ANKS1B: variants seen among roughly 807,000 people sequenced by gnomAD.
The protein encoded by ANKS1B is ankyrin repeat and sterile alpha motif domain containing 1B.
In ANKS1B, 36 loss-of-function variants were observed where a neutral mutation model predicts 148.3. The observed-to-expected ratio is 0.24, with a 90% CI of 0.19 to 0.32. ANKS1B has a LOEUF of 0.32. Ranked by LOEUF, ANKS1B falls within the 10% of genes least tolerant of loss-of-function variation. The probability of loss-of-function intolerance (pLI) is 1.00; values close to 1 mark genes in which losing one functional copy is unlikely to be tolerated. For synonymous variants in ANKS1B, 542 were observed against 560.8 expected (o/e 0.97, Z 0.47); for missense variants, 1,157 against 1,542.6 (o/e 0.75, Z 4.19).
intron 8 of ANKS1B, among the ~76,000 whole-genome samples, chr12:99,736,900 C>A (rs2059663453): frequency 1.3e-5 from 2 of 152,050 alleles, no homozygotes; most frequent in South Asian, 4.1e-4. Flanking sequence ...ATAGACACTT[C>A]TCACAAGAAG....
At chr12:98,995,704 C>T (rs2099929122) in intron 17 of ANKS1B, among the ~76,000 whole-genome samples, 2 of 152,172 alleles carry the variant, frequency 1.3e-5, no homozygotes, top group Admixed American at 6.5e-5. Context: ...CATTGGACTT[C>T]ATGGAATGAA....
intron 8 of ANKS1B, among the ~76,000 whole-genome samples, chr12:99,745,957 C>T (rs1161934067): frequency 6.6e-6 from 1 of 151,960 alleles, no homozygotes; most frequent in Non-Finnish European, 1.5e-5. Flanking sequence ...GAAAGAACCA[C>T]ATTAATAGGA....
intron 12 of ANKS1B, among the ~76,000 whole-genome samples, chr12:99,336,924 T>C (rs1340375244): frequency 1.3e-5 from 2 of 152,164 alleles, no homozygotes; most frequent in African/African-American, 4.8e-5. Context: ...CTTGCTGCTT[T>C]CAGGATCCTT....
In ANKS1B at chr12:99,403,657, A is replaced by G. The variant is rs1216098092; in HGVS notation, c.1576-3846T>C. On this transcript the variant is annotated intron_variant, in intron 11 of 26. Transcript: ENST00000683438. ...TAGTTTTACTAGATTTCATTTGTCA[A>G]TTTTTTCTTTTATTCCAACTGAAGG... is the stretch of plus-strand genomic sequence containing the variant. Among the ~76,000 whole-genome samples, 2 of 144,460 alleles carry G rather than the reference A, an allele frequency of 1.4e-5. 1 individual carries two copies. Among genetic ancestry groups the G allele is most frequent in the Non-Finnish European group, 3.0e-5 (2 of 65,698 alleles). 94.8% of individuals were successfully genotyped at this position (144,460 alleles called of 152,430 possible). A position where few individuals can be genotyped will look rare whatever the true frequency, so the allele number is the denominator to read the frequency against.
Position 99,910,483 on chromosome 12 carries a change from T to G in ANKS1B, c.134+73621A>C, listed in dbSNP as rs184022633. ...CACACATTGTATGATTCCACTTATA[T>G]GAATTGTACAGAATAGGCAAATCTA... On this transcript the variant is annotated intron_variant, in intron 1 of 26. Coordinates refer to ENST00000683438, the MANE Select transcript of ANKS1B (RefSeq NM_001352186.2). Among the ~76,000 whole-genome samples the G allele has an allele frequency of 5.6e-3, 856 of 151,910 alleles. 9 individuals carry two copies. The highest frequency in any genetic ancestry group is 0.019 in the African/African-American group (796 of 41,394).
chr12:98,740,058 G>A (rs1451438066), downstream of ANKS1B, among the ~76,000 whole-genome samples: 1 of 152,090 alleles, frequency 6.6e-6, no homozygotes, highest in African/African-American at 2.4e-5. Flanking sequence ...CCCATCAAGT[G>A]GTAAAGAAGA....
chr12:98,965,451 C>G (rs2099877034), intron 17 of ANKS1B, among the ~76,000 whole-genome samples: 2 of 152,048 alleles, frequency 1.3e-5, no homozygotes, highest in Admixed American at 6.6e-5. Context: ...CATATTTATG[C>G]CATAAATTTA....
At position 99,212,607 on chromosome 12, in the gene ANKS1B, A is replaced by G. The variant is rs117639114; in HGVS notation, c.2419+31735T>C. 9.8e-5 allele frequency among the ~76,000 whole-genome samples: 15 copies of G among 152,316 alleles called. 1 individual carries two copies. In the South Asian group the frequency reaches 1.2e-3, roughly 13 times the overall value. On this transcript the variant is annotated intron_variant, in intron 14 of 26. Transcript: ENST00000683438. ...TACTCAATAAATGTTCATTGAATGA[A>G]TATTAATTTTTACTTATTGTGGTCT...
intron 14 of ANKS1B, among the ~76,000 whole-genome samples, chr12:99,209,520 G>T (rs561365262): frequency 7.9e-5 from 12 of 152,072 alleles, no homozygotes; most frequent in Non-Finnish European, 1.2e-4. Flanking sequence ...TCTTTCTTAA[G>T]CCCTGTAAGA....
intron 17 of ANKS1B, among the ~76,000 whole-genome samples, chr12:99,003,869 G>A (rs1434101912): frequency 6.6e-6 from 1 of 152,122 alleles, no homozygotes; most frequent in Non-Finnish European, 1.5e-5. Context: ...CCATTATAGA[G>A]GCTTGTACAA....
intron 9 of ANKS1B, among the ~76,000 whole-genome samples, chr12:99,533,351 A>G (rs2097023390): frequency 6.6e-6 from 1 of 152,174 alleles, no homozygotes; most frequent in South Asian, 2.1e-4. Context: ...TTGTTGGTGT[A>G]TAGCAGTGCT....
chr12:98,958,761 C>G (rs973110974), intron 17 of ANKS1B, among the ~76,000 whole-genome samples: 2 of 152,146 alleles, frequency 1.3e-5, no homozygotes, highest in African/African-American at 4.8e-5. Flanking sequence ...CCAGTACAGC[C>G]ACTGCTTATG....
At chr12:99,437,344 C>A (rs2095477833) in intron 11 of ANKS1B, among the ~76,000 whole-genome samples, 1 of 151,918 alleles carries the variant, frequency 6.6e-6, no homozygotes, top group South Asian at 2.1e-4. Flanking sequence ...TTGAATTCAA[C>A]ATAGAAATTT....
At chr12:99,280,034 T>G (rs2078191940) in intron 12 of ANKS1B, among the ~76,000 whole-genome samples, 1 of 151,212 alleles carries the variant, frequency 6.6e-6, no homozygotes, top group Non-Finnish European at 1.5e-5. Context: ...AAATAATAAT[T>G]AAAGGAACCA....
At chr12:99,919,829 T>C (rs1244529110) in intron 1 of ANKS1B, among the ~76,000 whole-genome samples, 1 of 147,798 alleles carries the variant, frequency 6.8e-6, no homozygotes, top group African/African-American at 2.5e-5. Context: ...AAAAAATATA[T>C]AAAATATCTC....
At chr12:99,488,143 G>C (rs1017089509) in intron 10 of ANKS1B, among the ~76,000 whole-genome samples, 2 of 151,884 alleles carry the variant, frequency 1.3e-5, no homozygotes, top group South Asian at 2.1e-4. Context: ...ACTAATGATA[G>C]TCCTGCAATG....
At chr12:99,326,540 A>C (rs1281382743) in intron 12 of ANKS1B, among the ~76,000 whole-genome samples, 1 of 152,050 alleles carries the variant, frequency 6.6e-6, no homozygotes, top group Admixed American at 6.6e-5. Context: ...CTTTAAGGAC[A>C]CCTGTTTTTC....
chr12:99,645,716 T>C, intron 9 of ANKS1B, among the ~76,000 whole-genome samples: 2 of 152,210 alleles, frequency 1.3e-5, no homozygotes, highest in South Asian at 4.1e-4. Flanking sequence ...TTTAGCTATC[T>C]GAGCTTCTCA....
At chr12:99,065,512 T>C (rs1042148464) in intron 16 of ANKS1B, among the ~76,000 whole-genome samples, 1 of 152,116 alleles carries the variant, frequency 6.6e-6, no homozygotes, top group Non-Finnish European at 1.5e-5. Flanking sequence ...AAATATGTCA[T>C]TCACATGGTG....
Sources: gnomAD v4.1 joint callset for allele counts (sites outside exome capture counted in the v4.1 genomes callset) on GRCh38, gnomAD v4.1.1 for gene constraint, MANE v1.5 for transcripts, NCBI Gene and HGNC (gene_info 2026-07-23, HGNC 2026-07-21) for gene names.